GDPD5: variants seen among roughly 807,000 people sequenced by gnomAD.
GDPD5 encodes glycerophosphodiester phosphodiesterase domain containing 5, also known as glycerophosphodiester phosphodiesterase 2.
In GDPD5, 48 loss-of-function variants were observed where a neutral mutation model predicts 75.1. The ratio of observed to expected loss-of-function variants is 0.64; its 90% CI spans 0.51 to 0.81. GDPD5 has a LOEUF of 0.81. Among genes scored for constraint, GDPD5 ranks in the 40% least tolerant of loss-of-function variants. The pLI, the probability that GDPD5 is intolerant of heterozygous loss-of-function variation, is 0.00. For synonymous variants in GDPD5, 336 were observed against 339.0 expected (o/e 0.99, Z 0.10); for missense variants, 706 against 822.6 (o/e 0.86, Z 1.73).
intron 1 of GDPD5, among the ~76,000 whole-genome samples, chr11:75,501,597 A>G (rs958244174): frequency 4.6e-5 from 7 of 152,158 alleles, no homozygotes; most frequent in African/African-American, 1.4e-4. Flanking sequence ...GGGGCTCCAG[A>G]GCAGGGGCTC....
rs371392551 is a variant in GDPD5, at chr11:75,457,669, G to T, written c.315+24C>A. The T allele has an allele frequency of 6.2e-6, 10 of 1,608,540 alleles. No individual in the cohort carries two copies. In the African/African-American group the frequency reaches 1.3e-4, roughly 21 times the overall value. Reference sequence around the variant, plus strand: ...CCTTCCCCTGGGAGCAGGGCCACCTGCCCTCCAAAACAGCCCCATGTACCA... The same window carrying T: ...CCTTCCCCTGGGAGCAGGGCCACCTTCCCTCCAAAACAGCCCCATGTACCA... On this transcript the variant is annotated intron_variant, in intron 5 of 16. Coordinates refer to ENST00000336898, the MANE Select transcript of GDPD5 (RefSeq NM_030792.8).
chr11:75,445,219 A>G (rs764260993), intron 9 of GDPD5, among the ~76,000 whole-genome samples: 2 of 152,162 alleles, frequency 1.3e-5, no homozygotes, highest in Non-Finnish European at 2.9e-5. Flanking sequence ...ACACAATCAC[A>G]GCTCACAACA....
At chr11:75,482,306 G>A (rs1197871999) in intron 2 of GDPD5, among the ~76,000 whole-genome samples, 1 of 152,046 alleles carries the variant, frequency 6.6e-6, no homozygotes, top group Non-Finnish European at 1.5e-5. Flanking sequence ...GGATTCTCTG[G>A]GAGGCAAACC....
In GDPD5 at chr11:75,441,304, G is replaced by A. The variant is rs188755757; in HGVS notation, c.1332C>T (p.Tyr444=). 1.1e-4 allele frequency: 180 copies of A among 1,614,120 alleles called. No individual in the cohort carries two copies. The East Asian group carries it at 2.6e-3, about 24-fold the overall frequency. Residue 444 remains tyrosine, a synonymous_variant, in exon 14 of 17, where the codon TAC becomes TAT. Coordinates refer to ENST00000336898, the MANE Select transcript of GDPD5 (RefSeq NM_030792.8). The part of the protein sequence containing the change: ...TQVSRQELRD[Y]ASWNLSVNLY... ...GGTTCACACTCAGGTTCCAGGACGC[G>A]TAGTCCCTGTGGGGCAGGGGAGAGG...
chr11:75,461,599 T>C (rs1353069435), intron 4 of GDPD5, among the ~76,000 whole-genome samples: 3 of 152,180 alleles, frequency 2.0e-5, no homozygotes, highest in Non-Finnish European at 4.4e-5. Flanking sequence ...CGGCTAGAGA[T>C]GTGGTCTCCT....
chr11:75,496,561 A>G (rs1253880517), intron 1 of GDPD5, among the ~76,000 whole-genome samples: 1 of 152,176 alleles, frequency 6.6e-6, no homozygotes, highest in Non-Finnish European at 1.5e-5. Flanking sequence ...TGTAAACTGT[A>G]CAGTGTGCAG....
intron 1 of GDPD5, among the ~76,000 whole-genome samples, chr11:75,521,137 A>G (rs1941439484): frequency 6.6e-6 from 1 of 152,140 alleles, no homozygotes; most frequent in Non-Finnish European, 1.5e-5. Context: ...CCCCATAGAC[A>G]TGGACACACG....
intron 3 of GDPD5, among the ~76,000 whole-genome samples, chr11:75,464,006 C>T (rs774085122): frequency 1.3e-5 from 2 of 152,246 alleles, no homozygotes; most frequent in Non-Finnish European, 1.5e-5. Flanking sequence ...TCTAAACTCA[C>T]GCTCTGCACA....
chr11:75,446,792 A>G (rs1206582063), intron 9 of GDPD5, among the ~76,000 whole-genome samples: 1 of 152,200 alleles, frequency 6.6e-6, no homozygotes, highest in East Asian at 1.9e-4. Context: ...CCACCAGGGC[A>G]TGATCAGTCA....
At chr11:75,462,071 G>T (rs1240490243) in intron 4 of GDPD5, among the ~76,000 whole-genome samples, 2 of 152,230 alleles carry the variant, frequency 1.3e-5, no homozygotes, top group African/African-American at 4.8e-5. Flanking sequence ...TGCCAGCCCT[G>T]CCCAGGGCCT....
intron 1 of GDPD5, among the ~76,000 whole-genome samples, chr11:75,523,472 C>T (rs1377767759): frequency 1.3e-5 from 2 of 152,202 alleles, no homozygotes; most frequent in Non-Finnish European, 2.9e-5. Context: ...TTAATAACCT[C>T]CCCAGTCTTG....
intron 1 of GDPD5, among the ~76,000 whole-genome samples, chr11:75,511,025 T>C (rs917390466): frequency 6.6e-6 from 1 of 152,242 alleles, no homozygotes; most frequent in Non-Finnish European, 1.5e-5. Flanking sequence ...GATGCAGCAC[T>C]GTGGGGGAAA....
intron 3 of GDPD5, among the ~76,000 whole-genome samples, chr11:75,476,983 G>T (rs1949793284): frequency 6.6e-6 from 1 of 152,292 alleles, no homozygotes; most frequent in African/African-American, 2.4e-5. Context: ...CAGGAAGGAG[G>T]AGGAAAGTTG....
At chr11:75,460,332 G>A (rs1949384112) in intron 4 of GDPD5, among the ~76,000 whole-genome samples, 1 of 151,836 alleles carries the variant, frequency 6.6e-6, no homozygotes, top group South Asian at 2.1e-4. Context: ...GTCTCACTCT[G>A]TTGCCCAGCC....
intron 9 of GDPD5, among the ~76,000 whole-genome samples, chr11:75,445,084 A>G (rs1948952330): frequency 6.6e-6 from 1 of 152,164 alleles, no homozygotes; most frequent in Admixed American, 6.5e-5. Flanking sequence ...AAAAGCCTCT[A>G]GCACACTGCT....
chr11:75,449,064 G>A lies in GDPD5; in HGVS notation c.627C>T (p.Ala209=), dbSNP rs1182511906. The A allele has an allele frequency of 3.7e-6, 6 of 1,606,478 alleles. No homozygotes were observed. Among genetic ancestry groups the A allele is most frequent in the South Asian group, 1.1e-5 (1 of 89,724 alleles). Residue 209 remains alanine, a synonymous_variant, in exon 9 of 17, where the codon GCC becomes GCT. Coordinates refer to ENST00000336898, the MANE Select transcript of GDPD5 (RefSeq NM_030792.8). ...FFTVVFALYL[A]PLTISSPCIM... is the part of the protein sequence containing the mutation. ...TGCAGGGAGAGGAGATGGTGAGAGG[G>A]GCCAGGTAGAGGGCAAACACCACGG...
intron 15 of GDPD5, chr11:75,439,262 T>C (rs150202875): frequency 3.4e-5 from 15 of 447,752 alleles, no homozygotes; most frequent in African/African-American, 2.0e-4. Flanking sequence ...CACGGTGGGT[T>C]TTTAGACAGA....
intron 1 of GDPD5, among the ~76,000 whole-genome samples, chr11:75,499,993 T>C (rs1024567592): frequency 6.6e-5 from 10 of 152,260 alleles, no homozygotes; most frequent in African/African-American, 2.2e-4. Context: ...CACCATACCC[T>C]GCAGATATGA....
chr11:75,440,338 C>T (rs1948754025), intron 14 of GDPD5, among the ~76,000 whole-genome samples: 1 of 152,140 alleles, frequency 6.6e-6, no homozygotes, highest in African/African-American at 2.4e-5. Context: ...GGTCTCGACC[C>T]TTTCCCCAGG....
Sources: gnomAD v4.1 joint callset for allele counts (sites outside exome capture counted in the v4.1 genomes callset) on GRCh38, gnomAD v4.1.1 for gene constraint, MANE v1.5 for transcripts, NCBI Gene and HGNC (gene_info 2026-07-23, HGNC 2026-07-21) for gene names.